ANXA4: variants seen among roughly 807,000 people sequenced by gnomAD.
The protein encoded by ANXA4 is 35-beta calcimedin.
In ANXA4, 39 loss-of-function variants were observed where a neutral mutation model predicts 49.8. The observed-to-expected ratio is 0.78, with a 90% CI of 0.61 to 1.02. The LOEUF (loss-of-function observed/expected upper bound fraction) is 1.02. Ranked by LOEUF, ANXA4 falls within the 50% of genes least tolerant of loss-of-function variation. ANXA4 has a pLI of 0.00. For missense variants in ANXA4, 360 were observed against 410.1 expected (o/e 0.88, Z 1.05); for synonymous variants, 134 against 152.5 (o/e 0.88, Z 0.89).
At chr2:69,714,962 T>C (rs1294806459) in intron 2 of ANXA4, among the ~76,000 whole-genome samples, 3 of 152,192 alleles carry the variant, frequency 2.0e-5, no homozygotes, top group African/African-American at 7.2e-5. Context: ...GATGTGGAGA[T>C]GCTTTGGAGA....
At chr2:69,753,636 G>T (rs72903074) in intron 1 of ANXA4, among the ~76,000 whole-genome samples, 1 of 152,208 alleles carries the variant, frequency 6.6e-6, no homozygotes, top group East Asian at 1.9e-4. Context: ...ACTTCAAAGC[G>T]TCTTAGCAGG....
intron 2 of ANXA4, among the ~76,000 whole-genome samples, chr2:69,688,350 G>A (rs111996602): frequency 6.6e-6 from 1 of 152,186 alleles, no homozygotes; most frequent in African/African-American, 2.4e-5. Context: ...GTGGAATTTT[G>A]ATTTTGTTTT....
intron 2 of ANXA4, among the ~76,000 whole-genome samples, chr2:69,709,948 G>A (rs1678622573): frequency 6.7e-6 from 1 of 148,438 alleles, no homozygotes; most frequent in Non-Finnish European, 1.5e-5. Context: ...CACATAGATG[G>A]TATCACTTAT....
intron 1 of ANXA4, among the ~76,000 whole-genome samples, chr2:69,770,557 A>G (rs1671664470): frequency 6.6e-6 from 1 of 152,188 alleles, no homozygotes; most frequent in African/African-American, 2.4e-5. Flanking sequence ...GGTCAATGTT[A>G]GGAACCTGAA....
chr2:69,793,546 TCCAGCAGTTATAA>T (rs918133633), intron 3 of ANXA4, among the ~76,000 whole-genome samples: 3 of 152,028 alleles, frequency 2.0e-5, no homozygotes, highest in African/African-American at 7.2e-5. Context: ...CAGAAGAAGA[TCCAGCAGTTATAA>T]GATTTTGCAT....
At chr2:69,814,800 AAG>A (rs113452309) in intron 8 of ANXA4, 15,864 of 80,292 alleles carry the variant, frequency 0.2, 2,206 homozygotes, top group African/African-American at 0.44. Context: ...GTGTGAGAGA[AAG>A]AGAGAGAGGA....
chr2:69,740,680 CTTT>C (rs3077548), upstream of ANXA4, among the ~76,000 whole-genome samples: 1 of 75,778 alleles, frequency 1.3e-5, no homozygotes, highest in African/African-American at 5.5e-5. Flanking sequence ...CTTTCTTCCT[CTTT>C]TTTTTTTTTT....
Position 69,751,251 on chromosome 2 carries a change from C to T in ANXA4, c.-47+9076C>T, listed in dbSNP as rs114536264. On this transcript the variant is annotated intron_variant, in intron 1 of 12. Coordinates refer to ENST00000394295, the MANE Select transcript of ANXA4 (RefSeq NM_001153.5). Reference sequence around the variant, plus strand: ...TTAAAAGTGGGGGAATCAGGCCAGCCGCAGTGGCTCATGCTTGTAATCCCA... The same window carrying T: ...TTAAAAGTGGGGGAATCAGGCCAGCTGCAGTGGCTCATGCTTGTAATCCCA... 7.1e-3 allele frequency among the ~76,000 whole-genome samples: 1,085 copies of T among 152,136 alleles called. 13 individuals are homozygous for T. The highest frequency in any genetic ancestry group is 0.025 in the African/African-American group (1,020 of 41,496).
At chr2:69,803,554 G>C (rs1464477186) in intron 3 of ANXA4, 1 of 152,188 alleles carries the variant, frequency 6.6e-6, no homozygotes, top group Non-Finnish European at 1.5e-5. Flanking sequence ...TGTAATTTTT[G>C]CTTAAAGTTT....
In ANXA4 at chr2:69,770,707, C is replaced by T. The variant is rs113721020; in HGVS notation, c.-46-10813C>T. 3.0e-3 allele frequency among the ~76,000 whole-genome samples: 464 copies of T among 152,274 alleles called. 4 individuals are homozygous for T. Among genetic ancestry groups the T allele is most frequent in the Middle Eastern group, 0.024 (7 of 294 alleles). The stretch of plus-strand genomic sequence containing the variant: ...AGGGAGGATTCCTATTCACCAGGCT[C>T]ATTAAACCTGTACGCACACACACAT... On this transcript the variant is annotated intron_variant, in intron 1 of 12. Transcript: ENST00000394295.
chr2:69,813,753 TC>T (rs1354659024), intron 8 of ANXA4, among the ~76,000 whole-genome samples: 29 of 127,400 alleles, frequency 2.3e-4, no homozygotes, highest in African/African-American at 6.7e-4. Flanking sequence ...TCTCTCTCTC[TC>T]TCTCTTTTTT....
intron 1 of ANXA4, among the ~76,000 whole-genome samples, chr2:69,652,534 C>T (rs1292081432): frequency 1.3e-5 from 2 of 151,956 alleles, no homozygotes; most frequent in Non-Finnish European, 2.9e-5. Context: ...TTTTGAAAAC[C>T]GGTTGTGCTG....
intron 3 of ANXA4, 115 bp from the exon 4 acceptor site, chr2:69,804,418 C>T (rs1283658218): frequency 2.2e-6 from 2 of 909,952 alleles, no homozygotes; most frequent in Non-Finnish European, 1.7e-6. Flanking sequence ...ATAAGGGCCT[C>T]TTTTCTTAGA....
chr2:69,779,882 C>T (rs1482575017), intron 1 of ANXA4, among the ~76,000 whole-genome samples: 1 of 152,190 alleles, frequency 6.6e-6, no homozygotes, highest in Non-Finnish European at 1.5e-5. Flanking sequence ...TGTACCTTTG[C>T]TCAGGGTGTG....
chr2:69,779,282 A>G (rs1161266688), intron 1 of ANXA4, among the ~76,000 whole-genome samples: 1 of 152,194 alleles, frequency 6.6e-6, no homozygotes, highest in Non-Finnish European at 1.5e-5. Context: ...AAAATAAAAT[A>G]AAATAAATAA....
chr2:69,782,874 C>G (rs1399123514), intron 2 of ANXA4, among the ~76,000 whole-genome samples: 2 of 138,320 alleles, frequency 1.4e-5, no homozygotes, highest in Non-Finnish European at 3.0e-5. Flanking sequence ...GTTTTTCTAT[C>G]ATGACTATTA....
chr2:69,668,841 A>G (rs1197063952), intron 2 of ANXA4, among the ~76,000 whole-genome samples: 4 of 152,204 alleles, frequency 2.6e-5, no homozygotes, highest in African/African-American at 9.7e-5. Flanking sequence ...AAGATGGTAA[A>G]CGCTGACACA....
chr2:69,674,920 T>G (rs990452565), intron 2 of ANXA4, among the ~76,000 whole-genome samples: 1 of 151,490 alleles, frequency 6.6e-6, no homozygotes, highest in Non-Finnish European at 1.5e-5. Flanking sequence ...AAACTGTTTT[T>G]TTTTTTTTTT....
chr2:69,697,148 A>G lies in ANXA4; in HGVS notation n.767-23626A>G, dbSNP rs146396203. On this transcript the variant is annotated intron_variant and non_coding_transcript_variant, in intron 2 of 3. Coordinates refer to the ANXA4 transcript ENST00000418066. ...GCTGTTTCATCTCCATCGAAAATCT[A>G]TTGTTCAGTGTAGCCACCTTCATCT... 6.2e-3 allele frequency among the ~76,000 whole-genome samples: 940 copies of G among 152,274 alleles called. 22 individuals carry two copies. Among genetic ancestry groups the G allele is most frequent in the Admixed American group, 9.7e-3 (149 of 15,290 alleles).
Sources: allele counts gnomAD v4.1 joint callset (sites outside exome capture counted in the v4.1 genomes callset), GRCh38; gene constraint gnomAD v4.1.1; transcripts MANE v1.5; gene names NCBI Gene and HGNC (gene_info 2026-07-23, HGNC 2026-07-21).